The following PLXNC1 variants were observed in gnomAD, a reference collection of about 807,000 sequenced individuals.
PLXNC1 encodes plexin C1, also known as plexin-C1.
A neutral mutation model predicts 178.2 loss-of-function variants in PLXNC1; 75 were observed. The ratio of observed to expected loss-of-function variants is 0.42; its 90% CI spans 0.35 to 0.51. PLXNC1 has a LOEUF of 0.51. PLXNC1 is among the 20% of genes least tolerant of loss of function. The pLI is 0.02. For missense variants in PLXNC1, 1,503 were observed against 1,984.4 expected, an observed-to-expected ratio of 0.76 and a Z score of 4.61; for synonymous variants, 790 against 779.9, an observed-to-expected ratio of 1.01 and a Z score of -0.22.
intron 4 of PLXNC1, among the ~76,000 whole-genome samples, chr12:94,193,566 A>C (rs1230009770): frequency 1.3e-5 from 2 of 152,210 alleles, no homozygotes; most frequent in Non-Finnish European, 2.9e-5. Flanking sequence ...TGAAGAAAAC[A>C]AACAAGTGAT....
intron 5 of PLXNC1, among the ~76,000 whole-genome samples, chr12:94,211,191 A>G (rs1304539029): frequency 6.6e-6 from 1 of 152,090 alleles, no homozygotes; most frequent in Non-Finnish European, 1.5e-5. Flanking sequence ...CCAAACGACC[A>G]CTGGTGTTTT....
intron 10 of PLXNC1, among the ~76,000 whole-genome samples, chr12:94,238,614 G>A (rs2136048879): frequency 6.6e-6 from 1 of 152,282 alleles, no homozygotes; most frequent in East Asian, 1.9e-4. Context: ...TCTACATAGA[G>A]TATAATACTA....
intron 4 of PLXNC1, among the ~76,000 whole-genome samples, chr12:94,198,973 G>A (rs1165199495): frequency 1.3e-5 from 2 of 152,164 alleles, no homozygotes; most frequent in Non-Finnish European, 2.9e-5. Context: ...ACAACATGAG[G>A]GAAGATGGAC....
At chr12:94,170,481 A>T (rs1961802748) in intron 2 of PLXNC1, among the ~76,000 whole-genome samples, 1 of 152,126 alleles carries the variant, frequency 6.6e-6, no homozygotes, top group East Asian at 1.9e-4. Flanking sequence ...TTATGTGTCT[A>T]TGCTGTGGCT....
intron 21 of PLXNC1, among the ~76,000 whole-genome samples, chr12:94,273,946 CT>C (rs1965747302): frequency 6.6e-6 from 1 of 152,072 alleles, no homozygotes; most frequent in South Asian, 2.1e-4. Context: ...GCGTCACCAT[CT>C]CCCAGTACCT....
At chr12:94,221,912 A>G (rs1963807593) in intron 6 of PLXNC1, among the ~76,000 whole-genome samples, 1 of 152,232 alleles carries the variant, frequency 6.6e-6, no homozygotes, top group Non-Finnish European at 1.5e-5. Flanking sequence ...CACATTGGGT[A>G]TTAGATTCCA....
chr12:94,187,177 A>AGAGC (rs1366241256), intron 4 of PLXNC1, among the ~76,000 whole-genome samples: 9 of 76,670 alleles, frequency 1.2e-4, no homozygotes, highest in African/African-American at 2.9e-4. Context: ...GGCAGGAAAG[A>AGAGC]GAGAGAGAGA....
intron 2 of PLXNC1, among the ~76,000 whole-genome samples, chr12:94,181,213 C>A (rs925841289): frequency 6.6e-6 from 1 of 151,802 alleles, no homozygotes; most frequent in Non-Finnish European, 1.5e-5. Context: ...TCCTGGCCAA[C>A]GTAGTGAAAC....
intron 27 of PLXNC1, 94 bp downstream of exon 27, chr12:94,298,889 A>T: frequency 8.4e-7 from 1 of 1,190,792 alleles, no homozygotes; most frequent in Non-Finnish European, 1.2e-6. Flanking sequence ...GGATTCATTT[A>T]TCTCTATATC....
At chr12:94,200,231 A>G (rs1170321700) in intron 4 of PLXNC1, among the ~76,000 whole-genome samples, 1 of 152,156 alleles carries the variant, frequency 6.6e-6, no homozygotes, top group Non-Finnish European at 1.5e-5. Flanking sequence ...TAGTAAATAT[A>G]TGTTGTAATG....
At chr12:94,221,591 G>A (rs1328432419) in intron 6 of PLXNC1, among the ~76,000 whole-genome samples, 1 of 152,186 alleles carries the variant, frequency 6.6e-6, no homozygotes, top group East Asian at 1.9e-4. Context: ...GAGAGCTGGA[G>A]TTACCCAATA....
At chr12:94,226,891 C>T (rs1963955229) in intron 8 of PLXNC1, among the ~76,000 whole-genome samples, 184 bp downstream of exon 8, 1 of 152,060 alleles carries the variant, frequency 6.6e-6, no homozygotes, top group Admixed American at 6.5e-5. Flanking sequence ...GGTGTGGTGG[C>T]GCATGCCTGT....
chr12:94,216,046 C>T (rs1354052713), intron 5 of PLXNC1, among the ~76,000 whole-genome samples: 3 of 152,058 alleles, frequency 2.0e-5, no homozygotes, highest in Non-Finnish European at 2.9e-5. Context: ...GGGCAGATCA[C>T]CTGAAGGTCA....
chr12:94,228,645 A>G (rs1964011311), intron 9 of PLXNC1, among the ~76,000 whole-genome samples: 1 of 152,050 alleles, frequency 6.6e-6, no homozygotes, highest in African/African-American at 2.4e-5. Context: ...TAGGTACCTC[A>G]TGTAATTGAA....
At chr12:94,166,077 G>C (rs1281639609) in intron 1 of PLXNC1, among the ~76,000 whole-genome samples, 1 of 152,068 alleles carries the variant, frequency 6.6e-6, no homozygotes, top group East Asian at 1.9e-4. Context: ...CATTTGGCTT[G>C]GCCCAACGAT....
rs796640685 is a variant in PLXNC1 at position 94,170,638 on chromosome 12, C to CT, written c.1203+1346dup. Reference sequence around the variant, plus strand: ...GGAGACCTCACCTTTTCACTGGTGTCTGTCTTGCCTTCCCAACTTGATTTT... The same window carrying CT: ...GGAGACCTCACCTTTTCACTGGTGTCTTGTCTTGCCTTCCCAACTTGATTTT... On this transcript the variant is annotated intron_variant, in intron 2 of 30. Transcript: ENST00000258526. 6.9e-4 allele frequency among the ~76,000 whole-genome samples: 105 copies of CT among 152,226 alleles called. 1 individual carries two copies. The highest frequency in any genetic ancestry group is 2.5e-3 in the African/African-American group (102 of 41,534).
intron 5 of PLXNC1, among the ~76,000 whole-genome samples, chr12:94,210,350 G>A (rs541215629): frequency 3.6e-4 from 55 of 152,300 alleles, no homozygotes; most frequent in Non-Finnish European, 5.7e-4. Context: ...AAATGCACAC[G>A]CCAACCGTGC....
At chr12:94,170,163 C>G (rs60722304) in intron 2 of PLXNC1, among the ~76,000 whole-genome samples, 3,758 of 152,244 alleles carry the variant, frequency 0.025, 134 homozygotes, top group African/African-American at 0.078. Flanking sequence ...AGATCTGTTT[C>G]CCTCAACTGA....
chr12:94,251,283 C>A (rs1964678515), intron 14 of PLXNC1, 143 bp from the exon 15 acceptor site: 1 of 616,380 alleles, frequency 1.6e-6, no homozygotes, highest in Non-Finnish European at 2.9e-6. Context: ...AGCTAATCTG[C>A]CACAGAAATG....
Sources: gnomAD v4.1 joint callset for allele counts (sites outside exome capture counted in the v4.1 genomes callset) on GRCh38, gnomAD v4.1.1 for gene constraint, MANE v1.5 for transcripts, NCBI Gene and HGNC (gene_info 2026-07-23, HGNC 2026-07-21) for gene names.